ADAMTS17: variants seen among roughly 807,000 people sequenced by gnomAD.
The protein encoded by ADAMTS17 is ADAM metallopeptidase with thrombospondin type 1 motif 17, also known as A disintegrin and metalloproteinase with thrombospondin motifs 17.
ADAMTS17 carries 113 observed loss-of-function variants against 141.5 expected under a neutral mutation model. That is an observed-to-expected ratio of 0.80 (90% CI 0.69 to 0.93). ADAMTS17 has a LOEUF of 0.93. Among genes scored for constraint, ADAMTS17 ranks in the 40% least tolerant of loss-of-function variants. The pLI, the probability that ADAMTS17 is intolerant of heterozygous loss-of-function variation, is 0.00. For missense variants in ADAMTS17, 1,659 were observed against 1,517.9 expected (o/e 1.09, Z -1.54); for synonymous variants, 768 against 630.6 (o/e 1.22, Z -3.27).
rs140454075 is a variant in ADAMTS17 at position 99,996,305 on chromosome 15, C to T, written c.2796+1080G>A. On this transcript the variant is annotated intron_variant, in intron 19 of 21. Transcript: ENST00000268070. ...TCTGATCAAAGCACAAGTCTTACTT[C>T]GATCAAGAGCCAGGCAATTAAAACC... 1.6e-3 allele frequency among the ~76,000 whole-genome samples: 245 copies of T among 152,150 alleles called. 1 individual carries two copies. The highest frequency in any genetic ancestry group is 5.6e-3 in the African/African-American group (231 of 41,490).
intron 7 of ADAMTS17, among the ~76,000 whole-genome samples, chr15:100,230,733 C>T (rs2042454070): frequency 6.6e-6 from 1 of 152,108 alleles, no homozygotes. Context: ...TAAATGAAGG[C>T]ACCAATAGTG....
intron 18 of ADAMTS17, among the ~76,000 whole-genome samples, chr15:99,998,559 G>A (rs1045033765): frequency 5.9e-5 from 9 of 152,114 alleles, no homozygotes; most frequent in African/African-American, 1.7e-4. Flanking sequence ...AGCCAAGATC[G>A]CGCCACTGCA....
At chr15:100,306,248 C>A in intron 3 of ADAMTS17, 6 of 339,368 alleles carry the variant, frequency 1.8e-5, no homozygotes, top group South Asian at 1.4e-4. Flanking sequence ...TCTCTCTGCC[C>A]TTGAACCTGG....
chr15:100,079,153 T>G (rs1191830232), intron 15 of ADAMTS17, among the ~76,000 whole-genome samples: 2 of 152,192 alleles, frequency 1.3e-5, no homozygotes, highest in Non-Finnish European at 2.9e-5. Flanking sequence ...TGGCAGCTAC[T>G]CCAAAAGTTA....
intron 15 of ADAMTS17, among the ~76,000 whole-genome samples, chr15:100,094,223 A>G (rs1373289588): frequency 1.3e-5 from 2 of 152,278 alleles, no homozygotes; most frequent in Admixed American, 6.5e-5. Flanking sequence ...GTGCCTTGGC[A>G]GCTGGAAGGA....
chr15:100,191,346 C>A (rs540002217), intron 8 of ADAMTS17, among the ~76,000 whole-genome samples: 1 of 152,358 alleles, frequency 6.6e-6, no homozygotes, highest in African/African-American at 2.4e-5. Context: ...CTCCAGCCAA[C>A]AGCTGTTTGG....
chr15:100,034,028 C>T (rs2030456165), intron 18 of ADAMTS17, among the ~76,000 whole-genome samples: 1 of 152,228 alleles, frequency 6.6e-6, no homozygotes, highest in Non-Finnish European at 1.5e-5. Context: ...TATACACTAG[C>T]TCTATCCAAT....
chr15:100,027,902 G>C (rs978450224), intron 18 of ADAMTS17, among the ~76,000 whole-genome samples: 1 of 152,178 alleles, frequency 6.6e-6, no homozygotes, highest in Non-Finnish European at 1.5e-5. Context: ...AGTAGAATGA[G>C]TGCCCCGTTC....
At chr15:100,005,946 C>CACTCCA (rs2061028905) in intron 18 of ADAMTS17, among the ~76,000 whole-genome samples, 1 of 151,840 alleles carries the variant, frequency 6.6e-6, no homozygotes, top group Non-Finnish European at 1.5e-5. Context: ...GCAGAAGCAT[C>CACTCCA]ACTCCAGCCC....
intron 3 of ADAMTS17, chr15:100,306,237 A>C (rs992788019): frequency 3.0e-6 from 1 of 334,010 alleles, no homozygotes; most frequent in Non-Finnish European, 5.9e-6. Context: ...GGTGGGGTCT[A>C]TCTCTCTGCC....
At chr15:100,059,999 G>A (rs2032989365) in intron 15 of ADAMTS17, among the ~76,000 whole-genome samples, 1 of 152,228 alleles carries the variant, frequency 6.6e-6, no homozygotes, top group South Asian at 2.1e-4. Context: ...TAATTAGTGT[G>A]CACTTGAAAT....
intron 20 of ADAMTS17, among the ~76,000 whole-genome samples, chr15:99,986,211 C>T (rs914836987): frequency 6.6e-6 from 1 of 152,208 alleles, no homozygotes; most frequent in Non-Finnish European, 1.5e-5. Flanking sequence ...GATGGTGTGT[C>T]CACATTGAAA....
chr15:100,065,849 G>A (rs2033480488), intron 15 of ADAMTS17, among the ~76,000 whole-genome samples: 1 of 152,162 alleles, frequency 6.6e-6, no homozygotes, highest in Non-Finnish European at 1.5e-5. Flanking sequence ...TTAGGTATTT[G>A]TCCTAATGCT....
chr15:100,281,504 C>T, intron 3 of ADAMTS17, 103 bp from the exon 4 acceptor site: 2 of 1,450,790 alleles, frequency 1.4e-6, no homozygotes, highest in East Asian at 4.9e-5. Flanking sequence ...AGTGGTCAGT[C>T]TCGACAGGCC....
intron 8 of ADAMTS17, among the ~76,000 whole-genome samples, chr15:100,197,861 C>T (rs1293472565): frequency 6.6e-6 from 1 of 152,198 alleles, no homozygotes; most frequent in Non-Finnish European, 1.5e-5. Context: ...TGGATGAGTT[C>T]ATGTCCTTTG....
intron 8 of ADAMTS17, among the ~76,000 whole-genome samples, chr15:100,176,852 T>C (rs1458867828): frequency 2.6e-5 from 4 of 152,264 alleles, no homozygotes; most frequent in African/African-American, 7.2e-5. Flanking sequence ...GTTATATAAA[T>C]GGAACCATGC....
intron 8 of ADAMTS17, among the ~76,000 whole-genome samples, chr15:100,165,096 G>A (rs2039895777): frequency 6.6e-6 from 1 of 152,156 alleles, no homozygotes; most frequent in South Asian, 2.1e-4. Context: ...AAAGCTCAAG[G>A]GACATTGGAC....
At chr15:100,158,803 G>C (rs989340775) in intron 8 of ADAMTS17, among the ~76,000 whole-genome samples, 5 of 152,042 alleles carry the variant, frequency 3.3e-5, no homozygotes, top group African/African-American at 1.2e-4. Flanking sequence ...GTTAAAAATG[G>C]GCTAAAGACT....
At chr15:100,324,802 C>G (rs2045849748) in intron 3 of ADAMTS17, among the ~76,000 whole-genome samples, 1 of 152,200 alleles carries the variant, frequency 6.6e-6, no homozygotes. Context: ...ACCACAGCAG[C>G]TGCAGCAATA....
Sources: gnomAD v4.1 joint callset for allele counts (sites outside exome capture counted in the v4.1 genomes callset) on GRCh38, gnomAD v4.1.1 for gene constraint, MANE v1.5 for transcripts, NCBI Gene and HGNC (gene_info 2026-07-23, HGNC 2026-07-21) for gene names.